ZSCAN5A: variants seen among roughly 807,000 people sequenced by gnomAD.
The protein encoded by ZSCAN5A is zinc finger and SCAN domain containing 5A.
In ZSCAN5A, 12 loss-of-function variants were observed where a neutral mutation model predicts 23.7. The ratio of observed to expected loss-of-function variants is 0.51; its 90% CI spans 0.32 to 0.82. The LOEUF (loss-of-function observed/expected upper bound fraction) is 0.82, where lower values mean the gene tolerates loss of function less well. Ranked by LOEUF, ZSCAN5A falls within the 40% of genes least tolerant of loss-of-function variation. The pLI is 0.03. For missense variants in ZSCAN5A, 597 were observed against 617.9 expected, an observed-to-expected ratio of 0.97 and a Z score of 0.36; for synonymous variants, 257 against 239.9, an observed-to-expected ratio of 1.07 and a Z score of -0.66.
chr19:56,257,991 G>A (rs2036836308), intron 2 of ZSCAN5A, among the ~76,000 whole-genome samples: 1 of 143,624 alleles, frequency 7.0e-6, no homozygotes, highest in Non-Finnish European at 1.5e-5. Context: ...CACAGGCGCC[G>A]GGAGACTGCA....
At chr19:56,302,498 T>C (rs2040328661) in intron 2 of ZSCAN5A, among the ~76,000 whole-genome samples, 1 of 99,556 alleles carries the variant, frequency 1.0e-5, no homozygotes, top group Non-Finnish European at 2.0e-5. Flanking sequence ...CCTTCTTCCC[T>C]CTCTGCCCTT....
chr19:56,273,044 C>A, intron 2 of ZSCAN5A: 1 of 240,786 alleles, frequency 4.2e-6, no homozygotes, highest in Non-Finnish European at 6.7e-6. Context: ...CCCATTTAGA[C>A]ATTCACATTT....
intron 2 of ZSCAN5A, among the ~76,000 whole-genome samples, chr19:56,355,962 A>G (rs2041698326): frequency 6.7e-6 from 1 of 148,806 alleles, no homozygotes; most frequent in South Asian, 2.1e-4. Flanking sequence ...TGGTGCCAAT[A>G]TTATTTACTG....
chr19:56,229,137 T>C, intron 2 of ZSCAN5A, among the ~76,000 whole-genome samples: 1 of 152,156 alleles, frequency 6.6e-6, no homozygotes, highest in Non-Finnish European at 1.5e-5. Flanking sequence ...AGGATTAGAT[T>C]ACAATTTGGG....
intron 2 of ZSCAN5A, among the ~76,000 whole-genome samples, chr19:56,241,619 T>C (rs1019919681): frequency 2.6e-4 from 40 of 152,154 alleles, no homozygotes; most frequent in African/African-American, 9.7e-4. Context: ...TCTACTCTTT[T>C]AGCAATTTCC....
chr19:56,262,554 C>G (rs935282952), intron 2 of ZSCAN5A, among the ~76,000 whole-genome samples: 5 of 151,918 alleles, frequency 3.3e-5, no homozygotes, highest in Non-Finnish European at 7.4e-5. Context: ...CCCAGTATCC[C>G]AAGTAACTGG....
chr19:56,328,446 C>T (rs1348396323), intron 2 of ZSCAN5A, among the ~76,000 whole-genome samples: 1 of 149,532 alleles, frequency 6.7e-6, no homozygotes, highest in East Asian at 2.0e-4. Flanking sequence ...GAGTTTGAGA[C>T]CAGCCTGACC....
upstream of ZSCAN5A, chr19:56,316,662 A>G (rs1299921068): frequency 6.6e-6 from 1 of 152,590 alleles, no homozygotes; most frequent in Non-Finnish European, 1.5e-5. Flanking sequence ...TTCACTGGAT[A>G]TTCAGGTTTT....
At chr19:56,356,938 T>TAA (rs2041703827) in intron 2 of ZSCAN5A, among the ~76,000 whole-genome samples, 3 of 149,066 alleles carry the variant, frequency 2.0e-5, no homozygotes, top group Admixed American at 2.0e-4. Flanking sequence ...TTGTAGGCAA[T>TAA]AAAAATTCTC....
chr19:56,353,896 C>A (rs1169488548), intron 2 of ZSCAN5A, among the ~76,000 whole-genome samples: 1 of 152,174 alleles, frequency 6.6e-6, no homozygotes, highest in Non-Finnish European at 1.5e-5. Context: ...GCCCACATGT[C>A]CATCGACAGA....
At chr19:56,322,160 T>G (rs1358436203) in intron 2 of ZSCAN5A, 1 of 787,668 alleles carries the variant, frequency 1.3e-6, no homozygotes, top group African/African-American at 1.7e-5. Flanking sequence ...AGGCTCCCTG[T>G]TAACAGGTTC....
chr19:56,349,967 G>A (rs1428032367), intron 2 of ZSCAN5A, among the ~76,000 whole-genome samples: 2 of 152,090 alleles, frequency 1.3e-5, no homozygotes, highest in Non-Finnish European at 2.9e-5. Flanking sequence ...TTATGTCTTG[G>A]CAAGTAAAGT....
chr19:56,355,609 A>G (rs1294839913), intron 2 of ZSCAN5A, among the ~76,000 whole-genome samples: 1 of 149,196 alleles, frequency 6.7e-6, no homozygotes, highest in Non-Finnish European at 1.5e-5. Context: ...TGACTGTAAA[A>G]CAATTATGAT....
At chr19:56,271,807 G>A (rs2037869774) in intron 2 of ZSCAN5A, among the ~76,000 whole-genome samples, 2 of 152,166 alleles carry the variant, frequency 1.3e-5, no homozygotes, top group South Asian at 4.1e-4. Flanking sequence ...AGCTTAGATA[G>A]ACCAGTGGTC....
chr19:56,335,489 A>T (rs906435581), intron 2 of ZSCAN5A, among the ~76,000 whole-genome samples: 10 of 152,190 alleles, frequency 6.6e-5, no homozygotes, highest in Non-Finnish European at 1.5e-5. Flanking sequence ...TCTGCATGTG[A>T]GATGAGTTTC....
intron 2 of ZSCAN5A, chr19:56,310,480 C>T (rs1435982382): frequency 6.6e-6 from 1 of 152,352 alleles, no homozygotes; most frequent in East Asian, 1.9e-4. Context: ...ATTCCATTCG[C>T]CCAACACTGA....
chr19:56,358,689 C>A (rs2041713614), intron 2 of ZSCAN5A, among the ~76,000 whole-genome samples: 1 of 152,182 alleles, frequency 6.6e-6, no homozygotes, highest in Admixed American at 6.5e-5. Context: ...TAAACCACTG[C>A]TCAGCAAATG....
chr19:56,314,849 G>A (rs2041268825), upstream of ZSCAN5A: 1 of 152,256 alleles, frequency 6.6e-6, no homozygotes, highest in East Asian at 1.9e-4. Context: ...TGGCTGCTAG[G>A]AGGCCTCGGC....
intron 2 of ZSCAN5A, chr19:56,311,932 CAATT>C (rs1443987152): frequency 1.3e-5 from 2 of 152,164 alleles, no homozygotes; most frequent in African/African-American, 2.4e-5. Flanking sequence ...ACATAGTTCT[CAATT>C]AATGTATTGT....
Sources: allele counts gnomAD v4.1 joint callset (sites outside exome capture counted in the v4.1 genomes callset), GRCh38; gene constraint gnomAD v4.1.1; transcripts MANE v1.5; gene names NCBI Gene and HGNC (gene_info 2026-07-23, HGNC 2026-07-21).